The following NYAP2 variants were observed in gnomAD, a reference collection of about 807,000 sequenced individuals.
The protein encoded by NYAP2 is neuronal tyrosine-phosphorylated phosphoinositide-3-kinase adaptor 2, also known as neuronal tyrosine-phosphorylated phosphoinositide-3-kinase adapter 2.
In NYAP2, 23 loss-of-function variants were observed where a neutral mutation model predicts 50.4. That is an observed-to-expected ratio of 0.46 (90% CI 0.33 to 0.65). The LOEUF (loss-of-function observed/expected upper bound fraction) is 0.65. Among genes scored for constraint, NYAP2 ranks in the 30% least tolerant of loss-of-function variants. The pLI is 0.02. For synonymous variants in NYAP2, 394 were observed against 365.2 expected (o/e 1.08, Z -0.90); for missense variants, 885 against 861.0 (o/e 1.03, Z -0.35).
Position 225,599,728 on chromosome 2 carries a change from C to A in NYAP2, c.1618+16693C>A, listed in dbSNP as rs191805046. ...ATGGAAGAATTCAAAGTCCAGGATA[C>A]TATTTTGCAATTAGTGTTGAAGTTG... is the stretch of plus-strand genomic sequence containing the variant. On this transcript the variant is annotated intron_variant, in intron 5 of 6. Coordinates refer to ENST00000636099, the Ensembl canonical transcript of NYAP2. Among the ~76,000 whole-genome samples the A allele has an allele frequency of 1.6e-3, 241 of 152,276 alleles. 1 individual carries two copies. The highest frequency in any genetic ancestry group is 1.5e-3 in the Non-Finnish European group (101 of 68,028).
At position 225,582,685 on chromosome 2, in the gene NYAP2, C is replaced by T. The variant is rs1297498722; in HGVS notation, c.1268C>T (p.Thr423Ile). Reference sequence around the variant, plus strand: ...CCACCCCCGTCTACGCTGTACCGAACCCAGTCTCCCCATGGCTACCCTAAA... The same window carrying T: ...CCACCCCCGTCTACGCTGTACCGAATCCAGTCTCCCCATGGCTACCCTAAA... The change falls in exon 5 of 7, where the codon ACC becomes ATC. Residue 423 changes from threonine to isoleucine, a missense_variant. Coordinates refer to ENST00000636099, the Ensembl canonical transcript of NYAP2. The surrounding 1 kb of genome is among the most constrained non-coding windows in gnomAD (Gnocchi z 7.0). 8 of 1,602,882 alleles carry T rather than the reference C, an allele frequency of 5.0e-6. No individual in the cohort carries two copies. The highest frequency in any genetic ancestry group is 2.2e-5 in the East Asian group (1 of 44,614).
At chr2:225,555,209 C>T (rs927522370) in intron 4 of NYAP2, among the ~76,000 whole-genome samples, 7 of 152,064 alleles carry the variant, frequency 4.6e-5, no homozygotes, top group Non-Finnish European at 8.8e-5. Flanking sequence ...GTGTGAGCAG[C>T]CAAAATAAAT....
chr2:225,470,739 C>T (rs1689999268), intron 3 of NYAP2, among the ~76,000 whole-genome samples: 1 of 152,080 alleles, frequency 6.6e-6, no homozygotes, highest in East Asian at 1.9e-4. Context: ...ATTGCATTGG[C>T]TTGTAAGAAC....
chr2:225,409,924 A>G (rs1695006689), intron 3 of NYAP2, among the ~76,000 whole-genome samples: 2 of 152,120 alleles, frequency 1.3e-5, no homozygotes, highest in African/African-American at 4.8e-5. Context: ...GACTTAATCC[A>G]TATCAATTAG....
intron 4 of NYAP2, among the ~76,000 whole-genome samples, chr2:225,539,503 A>T (rs190058333): frequency 2.6e-5 from 4 of 152,354 alleles, no homozygotes; most frequent in Admixed American, 6.5e-5. Flanking sequence ...CCTCTCCAGC[A>T]TCTATTGATT....
chr2:225,631,937 C>A (rs1693323410), intron 6 of NYAP2, among the ~76,000 whole-genome samples: 1 of 152,152 alleles, frequency 6.6e-6, no homozygotes, highest in Non-Finnish European at 1.5e-5. Flanking sequence ...CCTCCCTCAG[C>A]CTCCCGAGTA....
chr2:225,692,306 T>G, the NYAP2 span, among the ~76,000 whole-genome samples: 1 of 152,170 alleles, frequency 6.6e-6, no homozygotes, highest in Admixed American at 6.6e-5. Context: ...TTTGGAAAAT[T>G]GAATATTATG....
In NYAP2 at chr2:225,626,587, T is replaced by C. The variant is rs139302237; in HGVS notation, c.1619-330T>C. Among the ~76,000 whole-genome samples, 653 of 152,320 alleles carry C rather than the reference T, an allele frequency of 4.3e-3. 9 individuals are homozygous for C. Among genetic ancestry groups the C allele is most frequent in the African/African-American group, 0.015 (607 of 41,562 alleles). ...GGATAGCGTGGTTTGGCTGAATTTTTGTAAAGATTAGAAAGTAAAGAGAGT... is the reference window on the plus strand; with the variant it reads ...GGATAGCGTGGTTTGGCTGAATTTTCGTAAAGATTAGAAAGTAAAGAGAGT... On this transcript the variant is annotated intron_variant, in intron 5 of 6. Transcript: ENST00000636099.
At chr2:225,672,633 A>G in the NYAP2 span, among the ~76,000 whole-genome samples, 28 of 152,132 alleles carry the variant, frequency 1.8e-4, no homozygotes, top group Admixed American at 4.6e-4. Flanking sequence ...CATTTGGCCT[A>G]TATTGACTTT....
chr2:225,520,905 G>A (rs1039037007), intron 4 of NYAP2, among the ~76,000 whole-genome samples: 1 of 152,008 alleles, frequency 6.6e-6, no homozygotes, highest in Non-Finnish European at 1.5e-5. Flanking sequence ...CTACCCATGA[G>A]CATGGAATGT....
intron 3 of NYAP2, among the ~76,000 whole-genome samples, chr2:225,429,314 G>T (rs578104577): frequency 3.5e-4 from 53 of 152,292 alleles, no homozygotes; most frequent in African/African-American, 1.2e-3. Flanking sequence ...CTTGCATGTT[G>T]CATAGTGATA....
At chr2:225,591,528 G>T (rs1041931623) in intron 5 of NYAP2, among the ~76,000 whole-genome samples, 2 of 152,042 alleles carry the variant, frequency 1.3e-5, no homozygotes, top group African/African-American at 4.8e-5. Flanking sequence ...AATAATAGTG[G>T]CATATACTTA....
chr2:225,616,547 A>C (rs974479285), intron 5 of NYAP2, among the ~76,000 whole-genome samples: 1 of 152,220 alleles, frequency 6.6e-6, no homozygotes, highest in Admixed American at 6.5e-5. Context: ...GGTCAGGGTG[A>C]CTGGTAGAGT....
chr2:225,686,785 T>G, the NYAP2 span, among the ~76,000 whole-genome samples: 51,093 of 151,916 alleles, frequency 0.34, 8,869 homozygotes, highest in African/African-American at 0.43. Flanking sequence ...GCCCACTGTG[T>G]GGAAACACTG....
rs917053888 is a variant in NYAP2 at position 225,400,097 on chromosome 2, C to A, written c.-659C>A. Reference sequence around the variant, plus strand: ...AGCCGAAATCCAAAGTAGAACGATGCCGCTTTCCGGTTTCTTGCAATTTCT... The same window carrying A: ...AGCCGAAATCCAAAGTAGAACGATGACGCTTTCCGGTTTCTTGCAATTTCT... On this transcript the variant is annotated 5_prime_UTR_variant, in exon 1 of 7. An upstream open reading frame in the 5' UTR gains an earlier in-frame stop. Coordinates refer to ENST00000636099, the Ensembl canonical transcript of NYAP2. The A allele has an allele frequency of 1.3e-5, 2 of 152,070 alleles. No homozygotes were observed. The highest frequency in any genetic ancestry group is 2.9e-5 in the Non-Finnish European group (2 of 68,022). The allele number at this position is 152,070 out of a possible 1,614,324, so 9.4% of individuals were successfully genotyped here. A position where few individuals can be genotyped will look rare whatever the true frequency, so the allele number is the denominator to read the frequency against.
intron 3 of NYAP2, among the ~76,000 whole-genome samples, chr2:225,437,954 G>T (rs1015016056): frequency 2.6e-5 from 4 of 152,032 alleles, no homozygotes; most frequent in Admixed American, 2.0e-4. Context: ...CAGTTACTCT[G>T]CCTAACAATG....
exon 7 of NYAP2, chr2:225,653,798 T>C (rs1693777380): frequency 6.6e-6 from 1 of 152,226 alleles, no homozygotes; most frequent in Non-Finnish European, 1.5e-5. Context: ...GGTGGGTGGA[T>C]CACAAGGTCA....
At chr2:225,631,044 G>T (rs575375336) in intron 6 of NYAP2, among the ~76,000 whole-genome samples, 1 of 152,194 alleles carries the variant, frequency 6.6e-6, no homozygotes, top group Non-Finnish European at 1.5e-5. Flanking sequence ...GACTGGATGA[G>T]TCTAAACTAG....
chr2:225,489,159 CTCCCCTTTT>C (rs1362441027), intron 3 of NYAP2, among the ~76,000 whole-genome samples: 1 of 151,938 alleles, frequency 6.6e-6, no homozygotes, highest in Non-Finnish European at 1.5e-5. Context: ...ATATAAGAGG[CTCCCCTTTT>C]TCCCCTTTTT....
Sources: allele counts gnomAD v4.1 joint callset (sites outside exome capture counted in the v4.1 genomes callset), GRCh38; gene constraint gnomAD v4.1.1; non-coding constraint Gnocchi (gnomAD v3.1); transcripts MANE v1.5; gene names NCBI Gene and HGNC (gene_info 2026-07-23, HGNC 2026-07-21).